TMEM131L: variants seen among roughly 807,000 people sequenced by gnomAD.
TMEM131L encodes the protein transmembrane protein 131-like.
In TMEM131L, 54 loss-of-function variants were observed where a neutral mutation model predicts 192.2. The ratio of observed to expected loss-of-function variants is 0.28; its 90% CI spans 0.23 to 0.35. The LOEUF (loss-of-function observed/expected upper bound fraction) is 0.35, where lower values mean the gene tolerates loss of function less well. Ranked by LOEUF, TMEM131L falls within the 10% of genes least tolerant of loss-of-function variation. The pLI is 1.00. For missense variants in TMEM131L, 1,888 were observed against 1,972.9 expected (o/e 0.96, Z 0.82); for synonymous variants, 701 against 704.9 (o/e 0.99, Z 0.09).
At chr4:153,602,478 A>AT in intron 22 of TMEM131L, 64 bp from the exon 23 acceptor site, 1 of 1,565,106 alleles carries the variant, frequency 6.4e-7, no homozygotes, top group South Asian at 1.1e-5. Context: ...TGTTGTCATT[A>AT]TTTTGCCTTG....
chr4:153,471,949 A>G (rs1236688858), intron 2 of TMEM131L, among the ~76,000 whole-genome samples: 1 of 152,212 alleles, frequency 6.6e-6, no homozygotes, highest in Non-Finnish European at 1.5e-5. Context: ...GAAATGATAC[A>G]CAGAGTTTTT....
intron 26 of TMEM131L, 132 bp downstream of exon 26, chr4:153,612,532 T>A: frequency 1.6e-6 from 1 of 640,004 alleles, no homozygotes; most frequent in Non-Finnish European, 2.5e-6. Flanking sequence ...GATGTGTGTG[T>A]GTTCAGAGAA....
intron 26 of TMEM131L, among the ~76,000 whole-genome samples, chr4:153,617,246 G>A (rs903320629): frequency 1.3e-5 from 2 of 152,170 alleles, no homozygotes; most frequent in African/African-American, 2.4e-5. Flanking sequence ...TTCACCTTCT[G>A]CCATGATTGT....
At chr4:153,612,561 T>G (rs1183972649) in intron 26 of TMEM131L, among the ~76,000 whole-genome samples, 161 bp downstream of exon 26, 3 of 152,218 alleles carry the variant, frequency 2.0e-5, no homozygotes, top group African/African-American at 7.2e-5. Context: ...ACCTTCTAAT[T>G]ATATAGACGT....
chr4:153,564,107 G>A (rs938961475), intron 7 of TMEM131L, among the ~76,000 whole-genome samples: 5 of 151,738 alleles, frequency 3.3e-5, no homozygotes, highest in Admixed American at 2.0e-4. Flanking sequence ...TGGCCAACAT[G>A]GTGAAACCCC....
At chr4:153,472,661 G>A (rs1731241783) in intron 2 of TMEM131L, among the ~76,000 whole-genome samples, 1 of 152,200 alleles carries the variant, frequency 6.6e-6, no homozygotes, top group Non-Finnish European at 1.5e-5. Flanking sequence ...CATGTTGTGT[G>A]GTGGCAATGT....
chr4:153,485,120 T>C (rs971871807), intron 3 of TMEM131L, among the ~76,000 whole-genome samples: 2 of 120,830 alleles, frequency 1.7e-5, no homozygotes, highest in African/African-American at 6.5e-5. Context: ...CTCTGTCTCA[T>C]TAAAAAAAAA....
At chr4:153,601,107 C>CAAAA (rs397879528) in intron 21 of TMEM131L, among the ~76,000 whole-genome samples, 27 of 103,100 alleles carry the variant, frequency 2.6e-4, no homozygotes, top group Admixed American at 7.9e-4. Context: ...AAGACTGTCT[C>CAAAA]AAAAAAAAAA....
chr4:153,596,225 G>A, intron 19 of TMEM131L, 33 bp from the exon 20 acceptor site: 1 of 1,610,988 alleles, frequency 6.2e-7, no homozygotes, highest in Non-Finnish European at 8.5e-7. Flanking sequence ...TGCTTTCTAG[G>A]AGTATGACAT....
chr4:153,536,818 C>A (rs1243824701), intron 3 of TMEM131L, among the ~76,000 whole-genome samples: 1 of 150,488 alleles, frequency 6.6e-6, no homozygotes, highest in Non-Finnish European at 1.5e-5. Context: ...AGGTTGTCTG[C>A]AAGCTGAGGA....
chr4:153,516,123 A>G (rs983950227), intron 3 of TMEM131L, among the ~76,000 whole-genome samples: 3 of 152,170 alleles, frequency 2.0e-5, no homozygotes, highest in African/African-American at 4.8e-5. Context: ...ATATTTTTAA[A>G]TGAGATTAAA....
intron 7 of TMEM131L, among the ~76,000 whole-genome samples, chr4:153,561,128 A>G (rs1412571218): frequency 6.6e-6 from 1 of 152,220 alleles, no homozygotes; most frequent in East Asian, 1.9e-4. Flanking sequence ...CATTTTTGTA[A>G]TGACTAATGA....
chr4:153,472,288 G>A (rs570879066), intron 2 of TMEM131L, among the ~76,000 whole-genome samples: 1 of 152,286 alleles, frequency 6.6e-6, no homozygotes, highest in South Asian at 2.1e-4. Flanking sequence ...TAGCCATTAC[G>A]TATGTTGTGT....
At chr4:153,497,848 CT>C (rs144355438) in intron 3 of TMEM131L, among the ~76,000 whole-genome samples, 3,701 of 73,952 alleles carry the variant, frequency 0.05, 155 homozygotes, top group African/African-American at 0.17. Flanking sequence ...ATGCAGAAAT[CT>C]TTTTTTTCTT....
intron 3 of TMEM131L, among the ~76,000 whole-genome samples, chr4:153,475,091 C>G (rs1731434663): frequency 6.6e-6 from 1 of 152,206 alleles, no homozygotes; most frequent in Non-Finnish European, 1.5e-5. Flanking sequence ...CAAAAGAAAG[C>G]TGTATCTTCC....
chr4:153,466,501 C>G lies in TMEM131L; in HGVS notation c.104C>G (p.Pro35Arg). 7.1e-7 allele frequency: 1 copy of G among 1,405,648 alleles called. No individual in the cohort carries two copies. The highest frequency in any genetic ancestry group is 9.3e-7 in the Non-Finnish European group (1 of 1,070,366). The allele number at this position is 1,405,648 out of a possible 1,614,324, so 87.1% of individuals were successfully genotyped here. A position where few individuals can be genotyped will look rare whatever the true frequency, so the allele number is the denominator to read the frequency against. Residue 35 changes from proline to arginine, a missense_variant, in exon 1 of 35, where the codon CCG becomes CGG. Pro to Arg is a moderately radical substitution (Grantham distance 103). Transcript: ENST00000409959. ...CAGGTCCTGCTGCCCTGCTGTCGCCCGGGAGGGGCTCAGGGACAAGGTCAG... is the reference window on the plus strand; with the variant it reads ...CAGGTCCTGCTGCCCTGCTGTCGCCGGGGAGGGGCTCAGGGACAAGGTCAG... ...VFQVLLPCCR[P>R]GGAQGQAIEP...
At chr4:153,537,015 C>G (rs909194625) in intron 3 of TMEM131L, among the ~76,000 whole-genome samples, 1 of 152,146 alleles carries the variant, frequency 6.6e-6, no homozygotes, top group African/African-American at 2.4e-5. Context: ...TTAGATGGTG[C>G]CCACCCAGAT....
At chr4:153,617,113 G>A (rs959935735) in intron 26 of TMEM131L, among the ~76,000 whole-genome samples, 3 of 152,198 alleles carry the variant, frequency 2.0e-5, no homozygotes, top group African/African-American at 7.2e-5. Flanking sequence ...GTTGAATTAT[G>A]GGGGTGGGAT....
At chr4:153,615,809 G>T (rs1732935943) in intron 26 of TMEM131L, among the ~76,000 whole-genome samples, 1 of 152,164 alleles carries the variant, frequency 6.6e-6, no homozygotes, top group South Asian at 2.1e-4. Context: ...TGGCCCTAAG[G>T]AATAATGGTG....
Sources: gnomAD v4.1 joint callset for allele counts (sites outside exome capture counted in the v4.1 genomes callset) on GRCh38, gnomAD v4.1.1 for gene constraint, MANE v1.5 for transcripts, NCBI Gene and HGNC (gene_info 2026-07-23, HGNC 2026-07-21) for gene names.